The following FAM193A variants were observed in gnomAD, a reference collection of about 807,000 sequenced individuals.
FAM193A encodes the protein family with sequence similarity 193 member A.
Under a neutral mutation model 126.5 loss-of-function variants are expected in FAM193A, and 22 were observed. The ratio of observed to expected loss-of-function variants is 0.17; its 90% CI spans 0.12 to 0.25. The LOEUF (loss-of-function observed/expected upper bound fraction) is 0.25, where lower values mean the gene tolerates loss of function less well. Among genes scored for constraint, FAM193A ranks in the 10% least tolerant of loss-of-function variants. The pLI, the probability that FAM193A is intolerant of heterozygous loss-of-function variation, is 1.00. For missense variants in FAM193A, 1,675 were observed against 1,672.8 expected (o/e 1.00, Z -0.02); for synonymous variants, 761 against 646.8 (o/e 1.18, Z -2.68).
chr4:2,631,442 A>G (rs1174014068), intron 5 of FAM193A, among the ~76,000 whole-genome samples: 4 of 152,152 alleles, frequency 2.6e-5, no homozygotes, highest in Admixed American at 6.5e-5. Flanking sequence ...GGAACGAGGC[A>G]TGGGGGCAGT....
intron 12 of FAM193A, among the ~76,000 whole-genome samples, chr4:2,666,326 G>A (rs1473014080): frequency 6.6e-6 from 1 of 152,152 alleles, no homozygotes; most frequent in African/African-American, 2.4e-5. Context: ...TTGATTTAAG[G>A]ATATTAAATC....
At chr4:2,711,758 A>G (rs1483910032) in intron 19 of FAM193A, among the ~76,000 whole-genome samples, 2 of 151,626 alleles carry the variant, frequency 1.3e-5, no homozygotes, top group African/African-American at 2.4e-5. Context: ...GAAACCCTGT[A>G]TCTACTAAAA....
rs183868119 is a variant in FAM193A at position 2,679,888 on chromosome 4, C to T, written c.2331+7516C>T. On this transcript the variant is annotated intron_variant, in intron 13 of 20. Coordinates refer to ENST00000637812, the MANE Select transcript of FAM193A (RefSeq NM_001366318.2). ...TTTTTTTTTTTCTTTGAGACGGAGT[C>T]TTGCTCTGTCACCCAGGCTGGAATG... Among the ~76,000 whole-genome samples the T allele has an allele frequency of 9.4e-4, 141 of 150,176 alleles. 1 individual carries two copies. In the Middle Eastern group the frequency reaches 0.014, roughly 15 times the overall value.
chr4:2,678,154 T>C (rs191465871), intron 13 of FAM193A, among the ~76,000 whole-genome samples: 1 of 151,884 alleles, frequency 6.6e-6, no homozygotes, highest in Non-Finnish European at 1.5e-5. Flanking sequence ...CTCAGCTAAT[T>C]TTTTGTATTT....
chr4:2,651,187 G>A (rs568647375), intron 7 of FAM193A, among the ~76,000 whole-genome samples: 9 of 152,230 alleles, frequency 5.9e-5, no homozygotes, highest in South Asian at 4.1e-4. Flanking sequence ...AAAATTAGCC[G>A]AGCGTGGTGG....
intron 6 of FAM193A, among the ~76,000 whole-genome samples, chr4:2,645,383 C>T (rs903636793): frequency 6.6e-6 from 1 of 152,198 alleles, no homozygotes; most frequent in African/African-American, 2.4e-5. Flanking sequence ...CCCCAGCCCC[C>T]AGCCTTCTGT....
intron 6 of FAM193A, among the ~76,000 whole-genome samples, chr4:2,645,595 C>T (rs1391537893): frequency 2.0e-5 from 3 of 152,010 alleles, no homozygotes; most frequent in African/African-American, 4.8e-5. Flanking sequence ...GGCGCGATCT[C>T]GGCTCACCCC....
intron 2 of FAM193A, among the ~76,000 whole-genome samples, chr4:2,622,390 C>G (rs565247389): frequency 1.5e-4 from 23 of 152,032 alleles, no homozygotes; most frequent in African/African-American, 5.5e-4. Context: ...TTCCTTATGC[C>G]TGTCCTGTTC....
Position 2,663,259 on chromosome 4 carries a change from A to T in FAM193A, c.2050A>T (p.Ser684Cys), listed in dbSNP as rs769719438. The T allele has an allele frequency of 6.2e-7, 1 of 1,605,634 alleles. No homozygotes were observed. Among genetic ancestry groups the T allele is most frequent in the Admixed American group, 1.7e-5 (1 of 57,784 alleles). Residue 684 changes from serine (S) to cysteine (C), a missense_variant, in exon 12 of 21, where the codon AGT becomes TGT. This residue lies in a region of FAM193A where 1,186 missense variants were observed against 1,109.2 expected (regional missense o/e 1.07). Transcript: ENST00000637812. Reference sequence around the variant, plus strand: ...CAGGACAGAGGAGAGCAAAGCAGACAGTCCACCCCCATCCTACCCAACACA... The same window carrying T: ...CAGGACAGAGGAGAGCAAAGCAGACTGTCCACCCCCATCCTACCCAACACA... ...SPRTEESKAD[S>C]PPPSYPTQQA...
intron 1 of FAM193A, among the ~76,000 whole-genome samples, chr4:2,587,472 C>T (rs1271978609): frequency 2.0e-5 from 3 of 152,106 alleles, no homozygotes; most frequent in Non-Finnish European, 2.9e-5. Flanking sequence ...GTGAAAGGAT[C>T]GCTTGAGCCC....
chr4:2,633,617 C>T (rs1392118746), intron 5 of FAM193A, among the ~76,000 whole-genome samples: 2 of 151,394 alleles, frequency 1.3e-5, no homozygotes, highest in Non-Finnish European at 2.9e-5. Flanking sequence ...ATAAGCCAGG[C>T]GTGGTGGCTT....
At chr4:2,674,297 T>A (rs1348862259) in intron 13 of FAM193A, among the ~76,000 whole-genome samples, 1 of 143,712 alleles carries the variant, frequency 7.0e-6, no homozygotes, top group Non-Finnish European at 1.5e-5. Flanking sequence ...TGGATGCTGT[T>A]GACCACATCT....
At chr4:2,601,727 A>T (rs569674747) in intron 2 of FAM193A, among the ~76,000 whole-genome samples, 1 of 146,194 alleles carries the variant, frequency 6.8e-6, no homozygotes, top group Non-Finnish European at 1.5e-5. Flanking sequence ...TGTCTCTATA[A>T]AAAAAAAAAA....
chr4:2,720,286 A>AT (rs751314835), intron 20 of FAM193A, among the ~76,000 whole-genome samples: 3 of 152,340 alleles, frequency 2.0e-5, no homozygotes, highest in East Asian at 1.9e-4. Flanking sequence ...AATTGTCTAC[A>AT]TAGGAAATAT....
intron 2 of FAM193A, among the ~76,000 whole-genome samples, chr4:2,615,892 C>A (rs1200301439): frequency 6.6e-6 from 1 of 152,022 alleles, no homozygotes; most frequent in African/African-American, 2.4e-5. Flanking sequence ...CTCACTGCAA[C>A]CTCTGCCCGC....
intron 5 of FAM193A, among the ~76,000 whole-genome samples, chr4:2,634,440 G>C (rs944656763): frequency 1.3e-5 from 2 of 152,098 alleles, no homozygotes; most frequent in African/African-American, 2.4e-5. Context: ...TAAAACACAA[G>C]GTTCATGACA....
intron 19 of FAM193A, among the ~76,000 whole-genome samples, chr4:2,711,232 T>C (rs1354290443): frequency 1.3e-5 from 2 of 152,212 alleles, no homozygotes; most frequent in Non-Finnish European, 2.9e-5. Flanking sequence ...TGTTTTTTCT[T>C]CCATTTTTAT....
chr4:2,702,678 A>G (rs1173287809), intron 19 of FAM193A, among the ~76,000 whole-genome samples: 1 of 152,196 alleles, frequency 6.6e-6, no homozygotes, highest in East Asian at 1.9e-4. Flanking sequence ...CTTAGACAGT[A>G]AGAACCTGGA....
chr4:2,565,458 G>A (rs1380299016), intron 1 of FAM193A, among the ~76,000 whole-genome samples: 4 of 151,824 alleles, frequency 2.6e-5, no homozygotes, highest in South Asian at 2.1e-4. Flanking sequence ...AGTTTTCACC[G>A]TGTTGGCCAG....
Sources: allele counts gnomAD v4.1 joint callset (sites outside exome capture counted in the v4.1 genomes callset), GRCh38; gene constraint gnomAD v4.1.1; regional missense constraint gnomAD v4.1.1; transcripts MANE v1.5; gene names NCBI Gene and HGNC (gene_info 2026-07-23, HGNC 2026-07-21).